The following SNURF variants were observed in gnomAD, a reference collection of about 807,000 sequenced individuals.
The protein encoded by SNURF is SNURF protein.
In SNURF, 6 loss-of-function variants were observed where a neutral mutation model predicts 11.6. The observed-to-expected ratio is 0.52, with a 90% CI of 0.28 to 1.02. SNURF has a LOEUF of 1.02. Among genes scored for constraint, SNURF ranks in the 50% least tolerant of loss-of-function variants. The pLI is 0.09. For missense variants in SNURF, 84 were observed against 88.4 expected, an observed-to-expected ratio of 0.95 and a Z score of 0.20; for synonymous variants, 29 against 31.6, an observed-to-expected ratio of 0.92 and a Z score of 0.27.
intron 3 of SNURF, chr15:24,974,639 C>T (rs1338860639): frequency 1.5e-5 from 10 of 669,118 alleles, no homozygotes; most frequent in Non-Finnish European, 2.4e-5. Context: ...TTATTTTTTT[C>T]AGACGGGGTC....
At chr15:24,961,327 AATT>A (rs2074771853) in intron 1 of SNURF, among the ~76,000 whole-genome samples, 1 of 152,206 alleles carries the variant, frequency 6.6e-6, no homozygotes, top group Non-Finnish European at 1.5e-5. Context: ...GGGTTCAGAG[AATT>A]ATTAATAGCT....
At chr15:24,955,703 C>T (rs1338348223) in intron 1 of SNURF, among the ~76,000 whole-genome samples, 4 of 143,906 alleles carry the variant, frequency 2.8e-5, no homozygotes, top group South Asian at 4.7e-4. Context: ...TTGGTGGTCG[C>T]GGCGCGGGGA....
rs192389756 is a variant in SNURF at position 24,959,307 on chromosome 15, A to G, written c.15-2807A>G. ...AAGTAGTGTTTTCAAAATCTTATAG[A>G]TGACATTTTATATGTAGATTAAAAA... On this transcript the variant is annotated intron_variant, in intron 1 of 2. Transcript: ENST00000577949. Among the ~76,000 whole-genome samples the G allele has an allele frequency of 2.6e-5, 4 of 152,288 alleles. No homozygotes were observed. The East Asian group carries it at 7.7e-4, about 29-fold the overall frequency.
intron 1 of SNURF, among the ~76,000 whole-genome samples, chr15:24,956,283 G>A (rs1039858978): frequency 2.0e-5 from 3 of 150,464 alleles, no homozygotes; most frequent in Admixed American, 6.7e-5. Context: ...TCTGTGTTGC[G>A]TCACTGCCAT....
At chr15:24,977,924 A>G, downstream of SNURF, 1 of 1,552,138 alleles carries the variant, frequency 6.4e-7, no homozygotes, top group Non-Finnish European at 8.7e-7. Flanking sequence ...CAGGTAAGGG[A>G]TTGGTGAACA....
downstream of SNURF, chr15:24,978,160 T>G: frequency 6.2e-7 from 1 of 1,600,600 alleles, no homozygotes; most frequent in South Asian, 1.1e-5. Flanking sequence ...AGCCATTTTA[T>G]GAGGCCTTTA....
At chr15:24,959,261 G>A (rs1444352881) in intron 1 of SNURF, among the ~76,000 whole-genome samples, 1 of 152,128 alleles carries the variant, frequency 6.6e-6, no homozygotes, top group Non-Finnish European at 1.5e-5. Flanking sequence ...GCATGTGTGT[G>A]TGTATCTAGA....
chr15:24,956,684 G>A (rs1028898402), intron 1 of SNURF, among the ~76,000 whole-genome samples: 8 of 152,212 alleles, frequency 5.3e-5, no homozygotes, highest in Admixed American at 6.5e-5. Context: ...GTTCCTTTCC[G>A]GTTGTGGCGC....
chr15:24,967,240 G>A (rs1037469532), intron 2 of SNURF: 1 of 152,264 alleles, frequency 6.6e-6, no homozygotes, highest in Non-Finnish European at 1.5e-5. Context: ...TTCTAGACTT[G>A]GTAAGTATCT....
downstream of SNURF, among the ~76,000 whole-genome samples, chr15:24,969,252 C>G (rs1366227210): frequency 6.6e-6 from 1 of 152,098 alleles, no homozygotes; most frequent in Non-Finnish European, 1.5e-5. Flanking sequence ...CCTCAGCCTC[C>G]CAAGTATCTG....
intron 1 of SNURF, 27 bp from the exon 2 acceptor site, chr15:24,962,087 A>G: frequency 6.3e-7 from 1 of 1,592,362 alleles, no homozygotes; most frequent in Non-Finnish European, 8.6e-7. Context: ...CAGTCTACCA[A>G]ACAAATGCCT....
chr15:24,977,881 C>T (rs886051020), downstream of SNURF: 11 of 1,593,348 alleles, frequency 6.9e-6, no homozygotes, highest in Admixed American at 1.8e-5. Flanking sequence ...CGGGGCACTC[C>T]GCCCCCACCC....
chr15:24,976,465 T>C, intron 5 of SNURF: 2 of 1,229,964 alleles, frequency 1.6e-6, no homozygotes, highest in South Asian at 1.3e-5. Flanking sequence ...AGGGACATCA[T>C]ATTATGTGAG....
At chr15:24,971,908 T>TCCTTAA (rs2076453804), downstream of SNURF, among the ~76,000 whole-genome samples, 3 of 152,330 alleles carry the variant, frequency 2.0e-5, no homozygotes, top group South Asian at 6.2e-4. Flanking sequence ...ACAGTCATGA[T>TCCTTAA]CCTTGTTGTC....
chr15:24,973,606 G>A (rs889978113), downstream of SNURF, among the ~76,000 whole-genome samples: 2 of 151,998 alleles, frequency 1.3e-5, no homozygotes, highest in Non-Finnish European at 2.9e-5. Flanking sequence ...CACCATGTTG[G>A]CCAGGCTGGT....
chr15:24,961,192 T>C (rs2153468115), intron 1 of SNURF, among the ~76,000 whole-genome samples: 1 of 152,352 alleles, frequency 6.6e-6, no homozygotes, highest in South Asian at 2.1e-4. Context: ...TTTTACCATT[T>C]AGAAATCAAA....
chr15:24,955,906 C>T (rs1199552638), intron 1 of SNURF, among the ~76,000 whole-genome samples: 3 of 151,622 alleles, frequency 2.0e-5, no homozygotes, highest in African/African-American at 4.9e-5. Context: ...GACTAAGGGA[C>T]GCTGAATGAT....
At chr15:24,974,277 T>C (rs1050124959) in intron 3 of SNURF, 4 of 627,496 alleles carry the variant, frequency 6.4e-6, no homozygotes, top group Non-Finnish European at 1.2e-5. Flanking sequence ...ACATGGTAGA[T>C]TGCAGTGCAG....
chr15:24,957,675 ATTTTTGGGTAGTTT>A (rs1566953106), intron 1 of SNURF, among the ~76,000 whole-genome samples: 1 of 152,150 alleles, frequency 6.6e-6, no homozygotes, highest in Non-Finnish European at 1.5e-5. Flanking sequence ...GGAATAATCT[ATTTTTGGGTAGTTT>A]TAAAAATAGC....
Sources: allele counts gnomAD v4.1 joint callset (sites outside exome capture counted in the v4.1 genomes callset), GRCh38; gene constraint gnomAD v4.1.1; transcripts MANE v1.5; gene names NCBI Gene and HGNC (gene_info 2026-07-23, HGNC 2026-07-21).